The following ZNF415 variants were observed in gnomAD, a reference collection of about 807,000 sequenced individuals.
The protein encoded by ZNF415 is zinc finger protein 415.
ZNF415 carries 5 observed loss-of-function variants against 7.3 expected under a neutral mutation model. The observed-to-expected ratio is 0.69, with a 90% CI of 0.36 to 1.44. The LOEUF (loss-of-function observed/expected upper bound fraction) is 1.44. ZNF415 is among the 40% of genes most tolerant of loss of function. ZNF415 has a pLI of 0.04. For missense variants in ZNF415, 628 were observed against 664.8 expected, an observed-to-expected ratio of 0.94 and a Z score of 0.61; for synonymous variants, 207 against 226.3, an observed-to-expected ratio of 0.91 and a Z score of 0.77.
intron 1 of ZNF415, among the ~76,000 whole-genome samples, chr19:53,128,092 T>C (rs2089503043): frequency 6.6e-6 from 1 of 152,078 alleles, no homozygotes; most frequent in African/African-American, 2.4e-5. Context: ...CTTGCTTCCA[T>C]GCCCCTATGT....
intron 2 of ZNF415, among the ~76,000 whole-genome samples, chr19:53,120,711 C>T (rs2087858324): frequency 6.6e-6 from 1 of 152,122 alleles, no homozygotes; most frequent in Non-Finnish European, 1.5e-5. Context: ...AAAACTGTTA[C>T]CATTTTTACC....
rs1020259424 is a variant in ZNF415, at chr19:53,132,904, G to C, written c.-116C>G. The C allele has an allele frequency of 2.6e-5, 4 of 152,256 alleles. No individual in the cohort carries two copies. Among genetic ancestry groups the C allele is most frequent in the Non-Finnish European group, 4.4e-5 (3 of 68,082 alleles). 9.4% of individuals were successfully genotyped at this position (152,256 alleles called of 1,614,324 possible). On this transcript the variant is annotated 5_prime_UTR_variant, in exon 1 of 4. Transcript: ENST00000243643. ...AACGCGATCCGTTTCCGGGCCTGTA[G>C]GAAACTGCGCATGCGCGGAGAGAAG...
intron 2 of ZNF415, chr19:53,122,461 T>C: frequency 1.3e-6 from 2 of 1,545,720 alleles, no homozygotes; most frequent in Non-Finnish European, 1.7e-6. Context: ...CAGTGGACTC[T>C]TCAGAAGTTC....
intron 2 of ZNF415, 49 bp from the exon 3 acceptor site, chr19:53,116,482 T>A: frequency 1.9e-6 from 3 of 1,610,878 alleles, no homozygotes; most frequent in Non-Finnish European, 2.5e-6. Context: ...ATGAAGGGAG[T>A]TACCATCTTC....
rs1327362952 is a variant in ZNF415, at chr19:53,108,947, A to T, written c.1098T>A (p.Ser366Arg). The T allele has an allele frequency of 6.2e-7, 1 of 1,614,028 alleles. No homozygotes were observed. The highest frequency in any genetic ancestry group is 1.1e-5 in the South Asian group (1 of 91,076). The change falls in exon 4 of 4, where the codon AGT (serine) becomes AGA (arginine). Residue 366 changes from serine (S) to arginine (R), a missense_variant. Coordinates refer to ENST00000243643, the MANE Select transcript of ZNF415 (RefSeq NM_018355.4). ...GATGAGTTGCAAGGCTTGAAGTCTG[A>T]CTGAACACCTTGCCACATTCATTGC... ...YKCNECGKVF[S>R]QTSSLATHQR... is the part of the protein sequence containing the mutation.
At position 53,109,315 on chromosome 19, in the gene ZNF415, A is replaced by G. The variant is rs2085870627; in HGVS notation, c.730T>C (p.Tyr244His). Reference protein sequence around the residue: ...RQVSHSGEKGYKCDLCGKVFS... With the variant: ...RQVSHSGEKGHKCDLCGKVFS... ...ACCTTGCCACACAGATCACATTTAT[A>G]TCCTTTCTCTCCAGAATGACTTACC... Residue 244 changes from tyrosine to histidine, a missense_variant, in exon 4 of 4, where the codon TAT (tyrosine) becomes CAT (histidine). By Grantham distance (83) the Tyr-to-His change is moderately conservative. Transcript: ENST00000243643. The G allele has an allele frequency of 1.9e-6, 3 of 1,614,188 alleles. No homozygotes were observed. Among genetic ancestry groups the G allele is most frequent in the East Asian group, 2.2e-5 (1 of 44,882 alleles).
intron 3 of ZNF415, among the ~76,000 whole-genome samples, chr19:53,112,929 A>C (rs2086444093): frequency 6.6e-6 from 1 of 152,038 alleles, no homozygotes; most frequent in Non-Finnish European, 1.5e-5. Context: ...TCTACTAAAA[A>C]TACAAAATTA....
In ZNF415 at chr19:53,109,433, T is replaced by C. The variant is rs759857546; in HGVS notation, c.612A>G (p.Thr204=). Residue 204 remains threonine, a synonymous_variant, in exon 4 of 4, where the codon ACA becomes ACG. Transcript: ENST00000243643. ...GTDFICSSLL[T]QEQKSCIREK... ...CCCTAATGCATGATTTCTGTTCTTG[T>C]GTGAGTAATGAAGAACAGATGAAAT... The C allele has an allele frequency of 9.9e-6, 16 of 1,614,118 alleles. No individual in the cohort carries two copies. Among genetic ancestry groups the C allele is most frequent in the Non-Finnish European group, 1.4e-5 (16 of 1,179,976 alleles).
intron 1 of ZNF415, chr19:53,123,594 C>T (rs2146528490): frequency 2.5e-6 from 1 of 398,896 alleles, no homozygotes; most frequent in East Asian, 3.6e-5. Context: ...AGGAAGGACG[C>T]ATGCTTGGCT....
chr19:53,116,609 C>CTTTTTTTTTTTTTTT (rs1410295819), intron 2 of ZNF415, among the ~76,000 whole-genome samples, 176 bp from the exon 3 acceptor site: 14 of 81,112 alleles, frequency 1.7e-4, no homozygotes, highest in African/African-American at 6.5e-4. Context: ...GGTTTTTTTT[C>CTTTTTTTTTTTTTTT]TCTCTTTTTT....
chr19:53,129,229 C>A (rs947844615), intron 1 of ZNF415, among the ~76,000 whole-genome samples: 12 of 152,112 alleles, frequency 7.9e-5, no homozygotes, highest in Admixed American at 5.9e-4. Flanking sequence ...GAGATGAGGG[C>A]AAGCTCCCAG....
At chr19:53,128,408 T>C (rs2089558731) in intron 1 of ZNF415, among the ~76,000 whole-genome samples, 1 of 145,484 alleles carries the variant, frequency 6.9e-6, no homozygotes, top group Non-Finnish European at 1.5e-5. Flanking sequence ...AGGCTGCCAT[T>C]GTCCCCTTGT....
At position 53,109,833 on chromosome 19, in the gene ZNF415, A is replaced by C. The variant is rs766778505; in HGVS notation, c.212T>G (p.Val71Gly). 6.2e-7 allele frequency: 1 copy of C among 1,613,330 alleles called. No individual in the cohort carries two copies. Among genetic ancestry groups the C allele is most frequent in the African/African-American group, 1.3e-5 (1 of 74,808 alleles). The change falls in exon 4 of 4, where the codon GTG (valine) becomes GGG (glycine). Residue 71 changes from valine to glycine, a missense_variant. Transcript: ENST00000243643. ...EGNPGEVFHT[V>G]TLEQHEKHDI... ...ATGTTTTTCATGTTGTTCCAATGTC[A>C]CTGTGTGGAATACTTCTCCTGGGTT... is the stretch of plus-strand genomic sequence containing the variant.
At chr19:53,125,768 T>C (rs1420761475) in intron 1 of ZNF415, among the ~76,000 whole-genome samples, 1 of 151,820 alleles carries the variant, frequency 6.6e-6, no homozygotes, top group Non-Finnish European at 1.5e-5. Context: ...TGAAACCCCA[T>C]CTCTACTAAA....
intron 1 of ZNF415, among the ~76,000 whole-genome samples, chr19:53,132,235 C>G (rs1286848920): frequency 6.6e-6 from 1 of 152,190 alleles, no homozygotes; most frequent in Non-Finnish European, 1.5e-5. Flanking sequence ...CTCTGTCCCT[C>G]GATCCCTTTG....
chr19:53,122,554 G>A, intron 2 of ZNF415, 108 bp downstream of exon 2: 3 of 1,603,272 alleles, frequency 1.9e-6, no homozygotes, highest in Admixed American at 1.7e-5. Context: ...GAGCAAACGC[G>A]TCAGGCAGGA....
In ZNF415 at chr19:53,108,889, A is replaced by G; in HGVS notation, c.1156T>C (p.Cys386Arg). 1 of 1,614,134 alleles carries G rather than the reference A, an allele frequency of 6.2e-7. No individual in the cohort carries two copies. The highest frequency in any genetic ancestry group is 2.2e-5 in the East Asian group (1 of 44,886). The change falls in exon 4 of 4, where the codon TGT (cysteine) becomes CGT (arginine). Residue 386 changes from cysteine (C) to arginine (R), a missense_variant. By Grantham distance (180) the Cys-to-Arg change is radical. Transcript: ENST00000243643. ...RIHTGEKPYK[C>R]NECGKVFSQT... ...CTGAAGACTTTACCACATTCATTAC[A>G]CTTGTATGGTTTCTCCCCAGTGTGA...
chr19:53,125,006 A>T (rs576484374), intron 1 of ZNF415, among the ~76,000 whole-genome samples: 1 of 151,796 alleles, frequency 6.6e-6, no homozygotes, highest in African/African-American at 2.4e-5. Flanking sequence ...AGTGCACTTG[A>T]CTTGCAAATC....
chr19:53,111,427 C>T (rs1056886071), intron 3 of ZNF415, among the ~76,000 whole-genome samples: 2 of 149,810 alleles, frequency 1.3e-5, no homozygotes, highest in South Asian at 2.1e-4. Context: ...ACTGCAACCT[C>T]TGCTTCCTGG....
Sources: allele counts gnomAD v4.1 joint callset (sites outside exome capture counted in the v4.1 genomes callset), GRCh38; gene constraint gnomAD v4.1.1; transcripts MANE v1.5; gene names NCBI Gene and HGNC (gene_info 2026-07-23, HGNC 2026-07-21).